CAVIN2: variants seen among roughly 807,000 people sequenced by gnomAD.
The protein encoded by CAVIN2 is caveolae-associated protein 2.
CAVIN2 carries 13 observed loss-of-function variants against 11.7 expected under a neutral mutation model. The observed-to-expected ratio is 1.11, with a 90% confidence interval of 0.72 to 1.77. The LOEUF is 1.77. Ranked by LOEUF, CAVIN2 falls within the 40% of genes most tolerant of loss-of-function variation. The pLI is 0.00. For missense variants in CAVIN2, 549 were observed against 542.9 expected (o/e 1.01, Z -0.11); for synonymous variants, 237 against 223.2 (o/e 1.06, Z -0.55).
Position 191,835,926 on chromosome 2 carries a change from G to A in CAVIN2, c.1275C>T (p.Ser425=), listed in dbSNP as rs756586670. 26 of 1,610,356 alleles carry A rather than the reference G, an allele frequency of 1.6e-5. No individual in the cohort carries two copies. In the Admixed American group the frequency reaches 3.8e-4, roughly 24 times the overall value. The change falls in exon 2 of 2, where the codon TCC becomes TCT. Residue 425 remains serine (S), a synonymous_variant. Transcript: ENST00000304141. ...QPAVLQVHQT[S] Reference sequence around the variant, plus strand: ...GGATGGCACGGTGGCTCTAAGCTCAGGAGGTCTGGTGCACCTGGAGCACGG... The same window carrying A: ...GGATGGCACGGTGGCTCTAAGCTCAAGAGGTCTGGTGCACCTGGAGCACGG...
chr2:191,840,102 G>T (rs1400511483), intron 1 of CAVIN2, among the ~76,000 whole-genome samples: 1 of 152,156 alleles, frequency 6.6e-6, no homozygotes, highest in Non-Finnish European at 1.5e-5. Context: ...ACACCTCGTG[G>T]AAACACTTGA....
At position 191,836,692 on chromosome 2, in the gene CAVIN2, A is replaced by C; in HGVS notation, c.509T>G (p.Val170Gly). The change falls in exon 2 of 2, where the codon GTG becomes GGG. Residue 170 changes from valine (V) to glycine (G), a missense_variant. Val to Gly is a moderately radical substitution (Grantham distance 109). Coordinates refer to ENST00000304141, the MANE Select transcript of CAVIN2 (RefSeq NM_004657.6). ...FQEENEIPAS[V>G]FVKQPVSGAV... Reference sequence around the variant, plus strand: ...ACCGGAAACGGGCTGTTTCACAAACACGCTGGCAGGGATCTCATTTTCCTC... The same window carrying C: ...ACCGGAAACGGGCTGTTTCACAAACCCGCTGGCAGGGATCTCATTTTCCTC... The C allele has an allele frequency of 5.0e-6, 8 of 1,612,992 alleles. No homozygotes were observed. Among genetic ancestry groups the C allele is most frequent in the Non-Finnish European group, 4.2e-6 (5 of 1,179,298 alleles).
rs1185595404 is a variant in CAVIN2 at position 191,835,259 on chromosome 2, C to T, written c.*664G>A. Reference sequence around the variant, plus strand: ...TCGGCATTCTTTGTTTCCTGTTTCTCTCATTTTCCAAATTTTCTTTCTTAC... The same window carrying T: ...TCGGCATTCTTTGTTTCCTGTTTCTTTCATTTTCCAAATTTTCTTTCTTAC... On this transcript the variant is annotated 3_prime_UTR_variant, in exon 2 of 2. Coordinates refer to ENST00000304141, the MANE Select transcript of CAVIN2 (RefSeq NM_004657.6). 6.6e-6 allele frequency: 1 copy of T among 151,988 alleles called. No individual in the cohort carries two copies. Among genetic ancestry groups the T allele is most frequent in the African/African-American group, 2.4e-5 (1 of 41,398 alleles). The allele number at this position is 151,988 out of a possible 1,614,324, so 9.4% of individuals were successfully genotyped here.
At chr2:191,839,445 T>G (rs1345329718) in intron 1 of CAVIN2, among the ~76,000 whole-genome samples, 1 of 152,228 alleles carries the variant, frequency 6.6e-6, no homozygotes, top group East Asian at 1.9e-4. Flanking sequence ...CTTTCGATTC[T>G]TTTATCATGT....
chr2:191,836,818 TA>T (rs959166341), intron 1 of CAVIN2, 101 bp from the exon 2 acceptor site: 3 of 1,123,284 alleles, frequency 2.7e-6, no homozygotes, highest in African/African-American at 3.2e-5. Context: ...ACGGTGATGG[TA>T]AAAAAACAAA....
In CAVIN2 at chr2:191,835,069, TTTA is replaced by T. The variant is rs1319488258; in HGVS notation, c.*851_*853del. The stretch of plus-strand genomic sequence containing the variant: ...AATACAGCTTTAACACTATAAAATG[TTTA>T]TTATTAAAAATATTAGAAAATAAAA... On this transcript the variant is annotated 3_prime_UTR_variant, in exon 2 of 2. Transcript: ENST00000304141. 1 of 152,062 alleles carries T rather than the reference TTTA, an allele frequency of 6.6e-6. No individual in the cohort carries two copies. The highest frequency in any genetic ancestry group is 1.5e-5 in the Non-Finnish European group (1 of 67,968). 9.4% of individuals were successfully genotyped at this position (152,062 alleles called of 1,614,324 possible). A position where few individuals can be genotyped will look rare whatever the true frequency, so the allele number is the denominator to read the frequency against.
chr2:191,838,239 C>A (rs1247337648), intron 1 of CAVIN2, among the ~76,000 whole-genome samples: 1 of 152,142 alleles, frequency 6.6e-6, no homozygotes, highest in Middle Eastern at 3.2e-3. Context: ...AAGATGAAAA[C>A]ATGCTTTAAG....
chr2:191,836,353 G>T lies in CAVIN2; in HGVS notation c.848C>A (p.Ser283Tyr). 6.2e-7 allele frequency: 1 copy of T among 1,614,144 alleles called. No homozygotes were observed. The highest frequency in any genetic ancestry group is 8.5e-7 in the Non-Finnish European group (1 of 1,180,050). Residue 283 changes from serine (S) to tyrosine (Y), a missense_variant, in exon 2 of 2, where the codon TCC becomes TAC. Ser to Tyr is a moderately radical substitution (Grantham distance 144). Coordinates refer to ENST00000304141, the MANE Select transcript of CAVIN2 (RefSeq NM_004657.6). ...KSLTSNHQKI[S>Y]SGKSSPFKVS... The stretch of plus-strand genomic sequence containing the variant: ...CTTGAAGGGGGAGCTTTTTCCTGAG[G>T]ATATTTTCTGGTGATTTGACGTGAG...
Position 191,846,682 on chromosome 2 carries a change from G to A in CAVIN2, c.244C>T (p.Arg82Ter). The change falls in exon 1 of 2, where the codon CGA (arginine) becomes TGA (stop). Residue 82 changes from arginine (R) to a stop codon, truncating the protein, a stop_gained. Transcript: ENST00000304141. LOFTEE classifies it high-confidence loss of function. The part of the protein sequence containing the change: ...VQENQHKMEQ[R>*]QISLEGSVKG... ...ACGGAGCCCTCCAAACTGATCTGTCGCTGCTCCATCTTGTGCTGGTTCTCC... is the reference window on the plus strand; with the variant it reads ...ACGGAGCCCTCCAAACTGATCTGTCACTGCTCCATCTTGTGCTGGTTCTCC... 2 of 1,614,160 alleles carry A rather than the reference G, an allele frequency of 1.2e-6. No homozygotes were observed. The highest frequency in any genetic ancestry group is 1.7e-6 in the Non-Finnish European group (2 of 1,180,028).
intron 1 of CAVIN2, among the ~76,000 whole-genome samples, chr2:191,842,976 G>T (rs746297307): frequency 2.1e-4 from 32 of 152,226 alleles, no homozygotes; most frequent in Non-Finnish European, 3.1e-4. Context: ...CTGATGTCAG[G>T]AGTTCAAGAC....
In CAVIN2 at chr2:191,846,858, G is replaced by A; in HGVS notation, c.68C>T (p.Pro23Leu). Reference sequence around the variant, plus strand: ...GGAAGGCATCGGGCTGGGGCTCGAGGGCTTTTCCTGCCGCATGTCAGACCC... The same window carrying A: ...GGAAGGCATCGGGCTGGGGCTCGAGAGCTTTTCCTGCCGCATGTCAGACCC... ...HPGSDMRQEK[P>L]SSPSPMPSST... Residue 23 changes from proline (P) to leucine (L), a missense_variant, in exon 1 of 2, where the codon CCC (proline) becomes CTC (leucine). Coordinates refer to ENST00000304141, the MANE Select transcript of CAVIN2 (RefSeq NM_004657.6). The A allele has an allele frequency of 3.1e-6, 5 of 1,614,158 alleles. No individual in the cohort carries two copies. Among genetic ancestry groups the A allele is most frequent in the South Asian group, 1.1e-5 (1 of 91,074 alleles).
At chr2:191,843,839 A>G (rs533817208) in intron 1 of CAVIN2, among the ~76,000 whole-genome samples, 1 of 152,308 alleles carries the variant, frequency 6.6e-6, no homozygotes, top group African/African-American at 2.4e-5. Context: ...ACTATTTTAA[A>G]TGTTATTTCT....
Position 191,837,986 on chromosome 2 carries a change from A to T in CAVIN2, c.484-1269T>A, listed in dbSNP as rs192026256. On this transcript the variant is annotated intron_variant, in intron 1 of 1. Transcript: ENST00000304141. ...TTAGCAGCTTTCATACTGCACTCCC[A>T]GGGGTACCAGGGGCTCTGCTGGAAT... Among the ~76,000 whole-genome samples, 588 of 152,340 alleles carry T rather than the reference A, an allele frequency of 3.9e-3. 6 individuals carry two copies. The Middle Eastern group carries it at 0.048, about 12-fold the overall frequency.
intron 1 of CAVIN2, among the ~76,000 whole-genome samples, chr2:191,837,276 A>G (rs56139304): frequency 0.029 from 4,452 of 152,218 alleles, 211 homozygotes; most frequent in African/African-American, 0.1. Context: ...TATCTGCTCA[A>G]AGGTGCACAC....
chr2:191,847,001 G>A lies in CAVIN2; in HGVS notation c.-76C>T, dbSNP rs1336266351. On this transcript the variant is annotated 5_prime_UTR_variant, in exon 1 of 2. Coordinates refer to ENST00000304141, the MANE Select transcript of CAVIN2 (RefSeq NM_004657.6). ...GGTGAGAAGTTGCGGTGGTGAGGGT[G>A]TAGGATGAGGCCCGCTGGTTGGAGC... is the stretch of plus-strand genomic sequence containing the variant. 2.0e-5 allele frequency: 31 copies of A among 1,517,652 alleles called. No homozygotes were observed. The highest frequency in any genetic ancestry group is 5.6e-5 in the African/African-American group (4 of 72,070). The allele number at this position is 1,517,652 out of a possible 1,614,324, so 94.0% of individuals were successfully genotyped here. A position where few individuals can be genotyped will look rare whatever the true frequency, so the allele number is the denominator to read the frequency against.
chr2:191,839,526 T>G (rs1341101769), intron 1 of CAVIN2, among the ~76,000 whole-genome samples: 1 of 152,190 alleles, frequency 6.6e-6, no homozygotes, highest in African/African-American at 2.4e-5. Flanking sequence ...AGATACACAC[T>G]GTGTATATGA....
chr2:191,834,539 C>T lies in CAVIN2; in HGVS notation c.*1384G>A, dbSNP rs563342851. On this transcript the variant is annotated 3_prime_UTR_variant, in exon 2 of 2. Transcript: ENST00000304141. ...TACTTATAGTGGTTCATACTAAAGG[C>T]AGGGGATTTGCTTCCTGGGCCAATT... The T allele has an allele frequency of 1.9e-4, 29 of 152,212 alleles. No homozygotes were observed. The highest frequency in any genetic ancestry group is 6.7e-4 in the African/African-American group (28 of 41,548). The allele number at this position is 152,212 out of a possible 1,614,324, so 9.4% of individuals were successfully genotyped here.
At chr2:191,846,354 G>T (rs1171906366) in intron 1 of CAVIN2, 89 bp downstream of exon 1, 19 of 1,428,136 alleles carry the variant, frequency 1.3e-5, no homozygotes, top group Non-Finnish European at 1.7e-5. Context: ...CAGGACAAAT[G>T]TAAAAATGGC....
Position 191,835,151 on chromosome 2 carries a change from T to A in CAVIN2, c.*772A>T, listed in dbSNP as rs1387131701. On this transcript the variant is annotated 3_prime_UTR_variant, in exon 2 of 2. Coordinates refer to ENST00000304141, the MANE Select transcript of CAVIN2 (RefSeq NM_004657.6). ...GATATACGAACTTCTTTAGTATTTT[T>A]ATTTAAAGAGTGAAATAGTTAAGCT... 1 of 152,144 alleles carries A rather than the reference T, an allele frequency of 6.6e-6. No homozygotes were observed. Among genetic ancestry groups the A allele is most frequent in the African/African-American group, 2.4e-5 (1 of 41,470 alleles). The allele number at this position is 152,144 out of a possible 1,614,324, so 9.4% of individuals were successfully genotyped here.
Sources: allele counts gnomAD v4.1 joint callset (sites outside exome capture counted in the v4.1 genomes callset), GRCh38; gene constraint gnomAD v4.1.1; transcripts MANE v1.5; gene names NCBI Gene and HGNC (gene_info 2026-07-23, HGNC 2026-07-21).